Variants in SAMMSON observed in about 807,000 individuals in gnomAD.
SAMMSON encodes long intergenic non-protein coding RNA 1212.
chr3:70,042,182 T>G (rs1322845067), intron 3 of SAMMSON, among the ~76,000 whole-genome samples: 1 of 151,840 alleles, frequency 6.6e-6, no homozygotes, highest in East Asian at 1.9e-4. Context: ...AGAAAATGAG[T>G]ATCTATGTTT....
chr3:70,388,765 T>C (rs1701012202), intron 9 of SAMMSON, among the ~76,000 whole-genome samples: 1 of 152,130 alleles, frequency 6.6e-6, no homozygotes, highest in Non-Finnish European at 1.5e-5. Flanking sequence ...CCTGAGGAAA[T>C]AGCAGAGATA....
intron 3 of SAMMSON, chr3:70,025,092 G>A (rs1001155913): frequency 1.3e-5 from 2 of 152,148 alleles, no homozygotes; most frequent in African/African-American, 2.4e-5. Context: ...GATAAAATCT[G>A]TGAACTCCAG....
chr3:70,203,392 A>T (rs1225212800), intron 4 of SAMMSON, among the ~76,000 whole-genome samples: 1 of 152,138 alleles, frequency 6.6e-6, no homozygotes, highest in Non-Finnish European at 1.5e-5. Flanking sequence ...ATAAAGAGTG[A>T]TTGAATGCCT....
At chr3:70,124,712 G>T (rs1308931183) in intron 4 of SAMMSON, among the ~76,000 whole-genome samples, 1 of 150,932 alleles carries the variant, frequency 6.6e-6, no homozygotes, top group South Asian at 2.1e-4. Flanking sequence ...CTACTTGGGA[G>T]GCTGAGGCAG....
chr3:70,243,700 C>G (rs1701681139), intron 4 of SAMMSON, among the ~76,000 whole-genome samples: 1 of 152,072 alleles, frequency 6.6e-6, no homozygotes, highest in African/African-American at 2.4e-5. Flanking sequence ...TCCTAACGTC[C>G]CCTGGGGAGT....
chr3:70,053,990 A>T (rs1378423256), intron 3 of SAMMSON, among the ~76,000 whole-genome samples: 1 of 152,094 alleles, frequency 6.6e-6, no homozygotes, highest in African/African-American at 2.4e-5. Flanking sequence ...AGCAAATTGT[A>T]CACTTTGTCT....
chr3:70,257,787 G>C (rs367958998), intron 6 of SAMMSON, among the ~76,000 whole-genome samples: 1 of 152,218 alleles, frequency 6.6e-6, no homozygotes, highest in South Asian at 2.1e-4. Context: ...CCAGCAGCAG[G>C]CATGTGTAGA....
chr3:70,332,929 G>A (rs1702632250), intron 7 of SAMMSON: 1 of 152,134 alleles, frequency 6.6e-6, no homozygotes. Context: ...GTTAGTTGAT[G>A]TTACTATGAG....
intron 4 of SAMMSON, among the ~76,000 whole-genome samples, chr3:70,232,351 C>T (rs1701567140): frequency 2.0e-5 from 3 of 152,032 alleles, no homozygotes; most frequent in African/African-American, 4.8e-5. Context: ...GTGTCGAATG[C>T]CCACAATATT....
At chr3:70,155,523 A>G (rs1485676532) in intron 4 of SAMMSON, among the ~76,000 whole-genome samples, 1 of 152,088 alleles carries the variant, frequency 6.6e-6, no homozygotes, top group Non-Finnish European at 1.5e-5. Flanking sequence ...AGAAGCATTA[A>G]TGCAAGCTCT....
At chr3:70,195,857 A>G (rs1041295413) in intron 4 of SAMMSON, among the ~76,000 whole-genome samples, 17 of 152,228 alleles carry the variant, frequency 1.1e-4, no homozygotes, top group Admixed American at 7.9e-4. Context: ...GTTTAAACTT[A>G]TTTGAGTCGA....
At chr3:70,364,777 C>T (rs774889502) in intron 9 of SAMMSON, among the ~76,000 whole-genome samples, 2 of 151,644 alleles carry the variant, frequency 1.3e-5, no homozygotes, top group Non-Finnish European at 3.0e-5. Flanking sequence ...ACATTCTACA[C>T]CTTTTATGTT....
chr3:70,170,579 CTTT>C (rs538385626), intron 4 of SAMMSON, among the ~76,000 whole-genome samples: 361 of 105,486 alleles, frequency 3.4e-3, no homozygotes, highest in African/African-American at 0.012. Flanking sequence ...CTAGATTTTC[CTTT>C]TTTTTTTTTT....
chr3:70,092,509 T>C (rs977388032), intron 4 of SAMMSON, among the ~76,000 whole-genome samples: 2 of 151,490 alleles, frequency 1.3e-5, no homozygotes, highest in African/African-American at 4.9e-5. Flanking sequence ...TCATATGACA[T>C]GATCATCTCT....
intron 4 of SAMMSON, among the ~76,000 whole-genome samples, chr3:70,226,460 G>T (rs1250993910): frequency 6.6e-6 from 1 of 152,152 alleles, no homozygotes; most frequent in Non-Finnish European, 1.5e-5. Context: ...GTTCAAGGCT[G>T]GGCGCAGTGG....
chr3:70,080,794 AAATC>A (rs1559787069), intron 4 of SAMMSON, among the ~76,000 whole-genome samples: 2 of 152,216 alleles, frequency 1.3e-5, no homozygotes, highest in Admixed American at 1.3e-4. Flanking sequence ...AAATGTGGTA[AAATC>A]AATATAACGA....
intron 2 of SAMMSON, among the ~76,000 whole-genome samples, chr3:70,414,562 T>C (rs938083342): frequency 2.0e-5 from 3 of 152,098 alleles, no homozygotes; most frequent in Non-Finnish European, 2.9e-5. Context: ...AACTAATAAC[T>C]GGTTTTCCCA....
At chr3:70,144,696 G>A (rs2067540953) in intron 4 of SAMMSON, among the ~76,000 whole-genome samples, 1 of 152,118 alleles carries the variant, frequency 6.6e-6, no homozygotes, top group Non-Finnish European at 1.5e-5. Flanking sequence ...ATGGGCACAG[G>A]TCTTTCCCAT....
At chr3:70,129,076 GA>G (rs2067470111) in intron 4 of SAMMSON, among the ~76,000 whole-genome samples, 1 of 152,118 alleles carries the variant, frequency 6.6e-6, no homozygotes, top group Non-Finnish European at 1.5e-5. Context: ...TAACAGAAAA[GA>G]GCAATTTCCT....
Sources: allele counts gnomAD v4.1 joint callset (sites outside exome capture counted in the v4.1 genomes callset), GRCh38; gene constraint gnomAD v4.1.1; transcripts MANE v1.5; gene names NCBI Gene and HGNC (gene_info 2026-07-23, HGNC 2026-07-21).